CPSF1: variants seen among roughly 807,000 people sequenced by gnomAD.
CPSF1 encodes cleavage and polyadenylation specificity factor subunit 1.
In CPSF1, 106 loss-of-function variants were observed where a neutral mutation model predicts 175.8. The ratio of observed to expected loss-of-function variants is 0.60; its 90% CI spans 0.52 to 0.71. The LOEUF (loss-of-function observed/expected upper bound fraction) is 0.71, where lower values mean the gene tolerates loss of function less well. Among genes scored for constraint, CPSF1 ranks in the 30% least tolerant of loss-of-function variants. The pLI is 0.00. For synonymous variants in CPSF1, 1,024 were observed against 858.3 expected (o/e 1.19, Z -3.37); for missense variants, 1,734 against 2,022.9 (o/e 0.86, Z 2.74).
At chr8:144,400,562 G>A in intron 7 of CPSF1, 69 bp from the exon 8 acceptor site, 1 of 1,607,514 alleles carries the variant, frequency 6.2e-7, no homozygotes, top group Non-Finnish European at 8.5e-7. Flanking sequence ...CTCCTCCCGA[G>A]CAAGCCCCAC....
In CPSF1 at chr8:144,395,261, C is replaced by A. The variant is rs1554863295; in HGVS notation, c.3187+4G>T. ...GGATGGGAGTATGGTGTGGGCGTCA[C>A]CACCTCTCTCGATGGTCTCAAACTC... On this transcript the variant is annotated splice_donor_region_variant and intron_variant, in intron 28 of 37. Transcript: ENST00000616140. 1 of 1,612,984 alleles carries A rather than the reference C, an allele frequency of 6.2e-7. No homozygotes were observed. The highest frequency in any genetic ancestry group is 1.7e-5 in the Admixed American group (1 of 59,980).
In CPSF1 at chr8:144,399,235, G is replaced by A. The variant is rs1586622912; in HGVS notation, c.1393-33C>T. On this transcript the variant is annotated intron_variant, in intron 14 of 37. Coordinates refer to ENST00000616140, the MANE Select transcript of CPSF1 (RefSeq NM_013291.3). The surrounding 1 kb of genome is among the most constrained non-coding windows in gnomAD (Gnocchi z 6.4). The stretch of plus-strand genomic sequence containing the variant: ...ACAGCAAGAGTCAGGGGCCCGCTGG[G>A]GGCGCTGGCTGGGACGGGGGCCCTG... 1 of 1,611,968 alleles carries A rather than the reference G, an allele frequency of 6.2e-7. No individual in the cohort carries two copies. Among genetic ancestry groups the A allele is most frequent in the South Asian group, 1.1e-5 (1 of 90,838 alleles).
At chr8:144,396,575 C>A (rs374067153) in intron 25 of CPSF1, 23 bp downstream of exon 25, 1 of 1,610,322 alleles carries the variant, frequency 6.2e-7, no homozygotes, top group Admixed American at 1.7e-5. Context: ...CTACCACAGA[C>A]CCCTGCAAAG....
chr8:144,400,597 A>G, intron 7 of CPSF1, 74 bp downstream of exon 7: 1 of 1,598,692 alleles, frequency 6.3e-7, no homozygotes, highest in Non-Finnish European at 8.5e-7. Context: ...CCCGCCCTAA[A>G]CCCCATGGGC....
intron 1 of CPSF1, 25 bp from the exon 2 acceptor site, chr8:144,409,197 G>C: frequency 6.5e-7 from 1 of 1,528,204 alleles, no homozygotes; most frequent in Non-Finnish European, 8.8e-7. Flanking sequence ...GAGAGGAAGG[G>C]TGAGCGGGGT....
At chr8:144,396,528 T>C (rs368566386) in intron 25 of CPSF1, 28 bp from the exon 26 acceptor site, 7 of 1,609,980 alleles carry the variant, frequency 4.3e-6, no homozygotes, top group African/African-American at 1.3e-5. Flanking sequence ...GAGGATGCTG[T>C]GGATGAGGAT....
chr8:144,400,147 C>CCCCACCCCCCCCCA lies in CPSF1; in HGVS notation c.937+18_937+19insTGGGGGGGGGTGGG. The stretch of plus-strand genomic sequence containing the variant: ...AAGCCGTCCCCGGGCCCCCCCCGCC[C>CCCCACCCCCCCCCA]CAGCCACCCCACACTCACGAAGCGG... On this transcript the variant is annotated intron_variant, in intron 9 of 37. Coordinates refer to ENST00000616140, the MANE Select transcript of CPSF1 (RefSeq NM_013291.3). 1 of 1,426,006 alleles carries CCCCACCCCCCCCCA rather than the reference C, an allele frequency of 7.0e-7. No homozygotes were observed. The allele number at this position is 1,426,006 out of a possible 1,614,324, so 88.3% of individuals were successfully genotyped here.
intron 23 of CPSF1, 55 bp downstream of exon 23, chr8:144,397,152 A>G (rs1554864175): frequency 2.2e-5 from 32 of 1,465,914 alleles, no homozygotes; most frequent in South Asian, 6.4e-5. Context: ...GCTGTGGGGG[A>G]ACGGGCAGGG....
chr8:144,396,026 G>GGT, intron 26 of CPSF1: 1 of 432,390 alleles, frequency 2.3e-6, no homozygotes, highest in Non-Finnish European at 4.2e-6. Context: ...AAGTCACAGA[G>GGT]CAGCCAAGGG....
chr8:144,400,065 TC>T lies in CPSF1; in HGVS notation c.957del (p.Ile320SerfsTer28). On this transcript the variant is annotated frameshift_variant, in exon 10 of 38. Transcript: ENST00000616140. LOFTEE classifies it high-confidence loss of function. ...AFPLRTQEGVRITLDCAQATF... is the reference protein window; with the variant it reads ...AFPLRTQEGVXITLDCAQATF... ...GTGGCCTGGGCGCAGTCCAGGGTGATCCGCACACCCTCCTGGGTGCCTGTGG... is the reference window on the plus strand; with the variant it reads ...GTGGCCTGGGCGCAGTCCAGGGTGATCGCACACCCTCCTGGGTGCCTGTGG... The T allele has an allele frequency of 6.2e-7, 1 of 1,606,138 alleles. No individual in the cohort carries two copies. Among genetic ancestry groups the T allele is most frequent in the Non-Finnish European group, 8.5e-7 (1 of 1,178,984 alleles).
chr8:144,400,378 C>A lies in CPSF1; in HGVS notation c.802G>T (p.Ala268Ser). 1 of 1,613,922 alleles carries A rather than the reference C, an allele frequency of 6.2e-7. No homozygotes were observed. The highest frequency in any genetic ancestry group is 1.3e-5 in the African/African-American group (1 of 75,034). Reference protein sequence around the residue: ...LTSLPFDCTQALAVPKPIGGV... With the variant: ...LTSLPFDCTQSLAVPKPIGGV... ...CCTATGGGCTTGGGCACAGCCAGAG[C>A]CTGGGTGCAGTCAAAGGGCAGGCTG... is the stretch of plus-strand genomic sequence containing the variant. The change falls in exon 8 of 38, where the codon GCT (alanine) becomes TCT (serine). Residue 268 changes from alanine to serine, a missense_variant. Transcript: ENST00000616140.
rs2116906786 is a variant in CPSF1, at chr8:144,406,926, C to CT, written c.144+2088dup. ...GAAGGTTAACAGTGTATTACTACTACTTTTTTTTTTTAGATGGAGTTTTGC... is the reference window on the plus strand; with the variant it reads ...GAAGGTTAACAGTGTATTACTACTACTTTTTTTTTTTTAGATGGAGTTTTGC... On this transcript the variant is annotated intron_variant, in intron 2 of 37. Coordinates refer to ENST00000616140, the MANE Select transcript of CPSF1 (RefSeq NM_013291.3). 3.2e-4 allele frequency among the ~76,000 whole-genome samples: 47 copies of CT among 147,804 alleles called. No individual in the cohort carries two copies. In the East Asian group the frequency reaches 5.1e-3, roughly 16 times the overall value.
In CPSF1 at chr8:144,393,563, G is replaced by T; in HGVS notation, c.4173C>A (p.Leu1391=). The T allele has an allele frequency of 6.2e-7, 1 of 1,605,418 alleles. No individual in the cohort carries two copies. ...CCAGCACGTTGCGCACGGCATTCTGGAGGGTGCGGCGGTCCACGTGCAGCA... is the reference window on the plus strand; with the variant it reads ...CCAGCACGTTGCGCACGGCATTCTGTAGGGTGCGGCGGTCCACGTGCAGCA... ...FRMLHVDRRT[L]QNAVRNVLDG... The change falls in exon 37 of 38, where the codon CTC becomes CTA. Residue 1391 remains leucine (L), a synonymous_variant. Coordinates refer to ENST00000616140, the MANE Select transcript of CPSF1 (RefSeq NM_013291.3).
At chr8:144,395,647 G>T in intron 26 of CPSF1, 96 bp from the exon 27 acceptor site, 1 of 1,042,162 alleles carries the variant, frequency 9.6e-7, no homozygotes, top group Non-Finnish European at 1.4e-6. Context: ...GTTGCCCTCA[G>T]CTCTGTGGGA....
In CPSF1 at chr8:144,394,024, C is replaced by G. The variant is rs781960095; in HGVS notation, c.3874G>C (p.Gly1292Arg). ...MYLPEAKESF[G>R]GMRLLRRADF... ...GCCCGACGCAGCAGGCGCATGCCCC[C>G]GAAACTCTCCTTGGCTAGACCAGAA... Residue 1292 changes from glycine (G) to arginine (R), a missense_variant, in exon 35 of 38, where the codon GGG (glycine) becomes CGG (arginine). Around this residue, in one of 10 missense-constraint regions of CPSF1, gnomAD observed 323 missense variants for 338.5 expected, o/e 0.95. Transcript: ENST00000616140. 1 of 1,611,850 alleles carries G rather than the reference C, an allele frequency of 6.2e-7. No individual in the cohort carries two copies. The highest frequency in any genetic ancestry group is 2.2e-5 in the East Asian group (1 of 44,830).
Position 144,401,680 on chromosome 8 carries a change from G to A in CPSF1, c.145-7C>T, listed in dbSNP as rs2116886665. The A allele has an allele frequency of 1.2e-5, 20 of 1,605,300 alleles. No homozygotes were observed. Among genetic ancestry groups the A allele is most frequent in the Non-Finnish European group, 1.5e-5 (18 of 1,176,098 alleles). ...TGTCATTCTTGGTCAGAGCCTGGAGGGGAGAGAAAGACAGGGCAGTGAGGG... is the reference window on the plus strand; with the variant it reads ...TGTCATTCTTGGTCAGAGCCTGGAGAGGAGAGAAAGACAGGGCAGTGAGGG... On this transcript the variant is annotated splice_polypyrimidine_tract_variant and splice_region_variant and intron_variant, in intron 2 of 37. Coordinates refer to ENST00000616140, the MANE Select transcript of CPSF1 (RefSeq NM_013291.3).
In CPSF1 at chr8:144,399,438, G is replaced by C; in HGVS notation, c.1294+14C>G. 1.2e-6 allele frequency: 2 copies of C among 1,612,922 alleles called. No individual in the cohort carries two copies. The highest frequency in any genetic ancestry group is 2.7e-5 in the African/African-American group (2 of 75,062). On this transcript the variant is annotated intron_variant, in intron 13 of 37. Coordinates refer to ENST00000616140, the MANE Select transcript of CPSF1 (RefSeq NM_013291.3). The surrounding 1 kb of genome is among the most constrained non-coding windows in gnomAD (Gnocchi z 6.4). ...CCTGGCCCCGCTCCTGACCAGCCCT[G>C]GACCGGCCCTCACCTGACCAGCCGG... is the stretch of plus-strand genomic sequence containing the variant.
chr8:144,395,353 C>T lies in CPSF1; in HGVS notation c.3099G>A (p.Val1033=), dbSNP rs1554863353. The change falls in exon 28 of 38, where the codon GTG becomes GTA. Residue 1033 remains valine (V), a splice_region_variant and synonymous_variant. Coordinates refer to ENST00000616140, the MANE Select transcript of CPSF1 (RefSeq NM_013291.3). ...TGTTGGTGCTGGTGGCCACAGCATA[C>T]ACCTGTGGGTTAGTGAGGGTCACAC... ...HYVAYHVESK[V]YAVATSTNTP... is the part of the protein sequence containing the mutation. The T allele has an allele frequency of 5.0e-6, 8 of 1,613,144 alleles. No homozygotes were observed. The highest frequency in any genetic ancestry group is 4.5e-5 in the East Asian group (2 of 44,876).
rs2116912818 is a variant in CPSF1, at chr8:144,409,034, C to A, written c.125G>T (p.Arg42Leu). The A allele has an allele frequency of 1.9e-6, 3 of 1,613,204 alleles. No homozygotes were observed. The South Asian group carries it at 3.3e-5, about 18-fold the overall frequency. The change falls in exon 2 of 38, where the codon CGC (arginine) becomes CTC (leucine). Residue 42 changes from arginine to leucine, a missense_variant. Arg to Leu is a moderately radical substitution (Grantham distance 102). Coordinates refer to ENST00000616140, the MANE Select transcript of CPSF1 (RefSeq NM_013291.3). ...VAGTSQLYVY[R>L]LNRDAEALTK... is the part of the protein sequence containing the mutation. Reference sequence around the variant, plus strand: ...ACCTACCTCGGCGTCGCGGTTGAGGCGGTACACGTAGAGCTGCGAGGTCCC... The same window carrying A: ...ACCTACCTCGGCGTCGCGGTTGAGGAGGTACACGTAGAGCTGCGAGGTCCC...
Sources: gnomAD v4.1 joint callset for allele counts (sites outside exome capture counted in the v4.1 genomes callset) on GRCh38, gnomAD v4.1.1 for gene constraint, gnomAD v4.1.1 regional missense constraint, Gnocchi (gnomAD v3.1) non-coding constraint, MANE v1.5 for transcripts, NCBI Gene and HGNC (gene_info 2026-07-23, HGNC 2026-07-21) for gene names.